Variants in NLGN1 observed in about 807,000 individuals in gnomAD.
NLGN1 encodes neuroligin-1.
In NLGN1, 12 loss-of-function variants were observed where a neutral mutation model predicts 65.5. The observed-to-expected ratio is 0.18, with a 90% CI of 0.12 to 0.30. The LOEUF (loss-of-function observed/expected upper bound fraction) is 0.30. NLGN1 is among the 10% of genes least tolerant of loss of function. The pLI is 1.00. For missense variants in NLGN1, 750 were observed against 1,007.1 expected, an observed-to-expected ratio of 0.74 and a Z score of 3.46; for synonymous variants, 350 against 359.5, an observed-to-expected ratio of 0.97 and a Z score of 0.30.
rs1483074125 is a variant in NLGN1 at position 173,961,161 on chromosome 3, G to C, written c.646+153329G>C. On this transcript the variant is annotated intron_variant, in intron 4 of 6. Transcript: ENST00000457714. ...ACTTTACTTTCCTCGGAAACATGAA[G>C]TATAGAATATAAAATATACAGTATA... Among the ~76,000 whole-genome samples, 3 of 151,992 alleles carry C rather than the reference G, an allele frequency of 2.0e-5. No homozygotes were observed. The East Asian group carries it at 5.8e-4, about 29-fold the overall frequency.
At chr3:173,477,058 A>G (rs1336802485) in intron 2 of NLGN1, among the ~76,000 whole-genome samples, 3 of 152,130 alleles carry the variant, frequency 2.0e-5, no homozygotes, top group Non-Finnish European at 4.4e-5. Flanking sequence ...ATCTTTAATG[A>G]CCTAGTGAAA....
intron 3 of NLGN1, among the ~76,000 whole-genome samples, chr3:173,780,109 C>A (rs575200049): frequency 6.6e-6 from 1 of 152,172 alleles, no homozygotes; most frequent in Non-Finnish European, 1.5e-5. Flanking sequence ...ATAATTTGTT[C>A]TTTGAAACGT....
intron 3 of NLGN1, among the ~76,000 whole-genome samples, chr3:173,755,596 C>G (rs1387002): frequency 6.6e-6 from 1 of 151,966 alleles, no homozygotes; most frequent in Non-Finnish European, 1.5e-5. Flanking sequence ...CAGAAGCAGG[C>G]ACATAAAGAC....
intron 4 of NLGN1, among the ~76,000 whole-genome samples, chr3:173,969,885 A>G (rs1480277717): frequency 6.6e-6 from 1 of 151,896 alleles, no homozygotes; most frequent in East Asian, 1.9e-4. Context: ...GAAATTGCAG[A>G]TTTCTGCATG....
chr3:173,802,719 G>A (rs761900345), intron 3 of NLGN1, among the ~76,000 whole-genome samples: 25 of 152,170 alleles, frequency 1.6e-4, no homozygotes, highest in Non-Finnish European at 3.1e-4. Context: ...GATCACTTAT[G>A]TGAAATTCCC....
intron 3 of NLGN1, among the ~76,000 whole-genome samples, chr3:173,723,008 G>C (rs1262222979): frequency 3.9e-5 from 6 of 152,182 alleles, no homozygotes; most frequent in Admixed American, 2.0e-4. Context: ...ACAGAGACCT[G>C]AATGAGGTAA....
At chr3:174,125,756 C>G (rs76062747) in intron 4 of NLGN1, among the ~76,000 whole-genome samples, 2,686 of 152,050 alleles carry the variant, frequency 0.018, 38 homozygotes, top group Non-Finnish European at 0.027. Flanking sequence ...GGCACTGAGT[C>G]CCAAAAGAAA....
chr3:173,698,195 A>G (rs958897343), intron 3 of NLGN1, among the ~76,000 whole-genome samples: 6 of 152,202 alleles, frequency 3.9e-5, no homozygotes, highest in Non-Finnish European at 7.4e-5. Context: ...TAGTTTATTT[A>G]TTCTGCAACT....
intron 4 of NLGN1, among the ~76,000 whole-genome samples, chr3:173,837,909 T>C (rs1723968063): frequency 6.6e-6 from 1 of 152,210 alleles, no homozygotes; most frequent in African/African-American, 2.4e-5. Context: ...GAATCAGTAT[T>C]ACTGATTTGA....
intron 4 of NLGN1, among the ~76,000 whole-genome samples, chr3:174,106,661 T>C (rs568572328): frequency 5.3e-4 from 81 of 151,894 alleles, no homozygotes; most frequent in Non-Finnish European, 1.1e-3. Context: ...GAGAGATATA[T>C]AGGAGGAGAT....
chr3:173,925,764 T>C (rs926017023), intron 4 of NLGN1, among the ~76,000 whole-genome samples: 2 of 152,108 alleles, frequency 1.3e-5, no homozygotes, highest in African/African-American at 4.8e-5. Context: ...TATTTAAAAG[T>C]AGACCAGAGA....
At chr3:173,860,983 T>C (rs556008738) in intron 4 of NLGN1, among the ~76,000 whole-genome samples, 1 of 152,278 alleles carries the variant, frequency 6.6e-6, no homozygotes, top group South Asian at 2.1e-4. Flanking sequence ...AACATAAATA[T>C]GGACAAACAA....
intron 4 of NLGN1, among the ~76,000 whole-genome samples, chr3:173,924,935 T>C (rs1481746909): frequency 6.6e-6 from 1 of 152,150 alleles, no homozygotes; most frequent in Non-Finnish European, 1.5e-5. Flanking sequence ...TAATCTAGAA[T>C]TCCTTAGAAA....
In NLGN1 at chr3:174,157,438, G is replaced by GT. The variant is rs1250652097; in HGVS notation, c.647-117872dup. ...CACTATTAAATATGATTGATGAAAG[G>GT]TTTTTAAAAAAATTCATCAATGGGT... On this transcript the variant is annotated intron_variant, in intron 4 of 6. Transcript: ENST00000457714. Among the ~76,000 whole-genome samples, 4 of 151,490 alleles carry GT rather than the reference G, an allele frequency of 2.6e-5. 1 individual carries two copies. The East Asian group carries it at 5.8e-4, about 22-fold the overall frequency.
At chr3:174,082,624 T>G (rs1742467543) in intron 4 of NLGN1, among the ~76,000 whole-genome samples, 1 of 151,892 alleles carries the variant, frequency 6.6e-6, no homozygotes, top group African/African-American at 2.4e-5. Context: ...CTACTAAGAT[T>G]GGAGCTTTGT....
At chr3:174,042,635 C>T (rs1398018757) in intron 4 of NLGN1, among the ~76,000 whole-genome samples, 1 of 152,150 alleles carries the variant, frequency 6.6e-6, no homozygotes, top group Non-Finnish European at 1.5e-5. Flanking sequence ...CTATCAATTA[C>T]CAACACTTAC....
rs755337219 is a variant in NLGN1, at chr3:173,682,588, C to CAAA, written c.493+77520_493+77522dup. Among the ~76,000 whole-genome samples, 54 of 41,232 alleles carry CAAA rather than the reference C, an allele frequency of 1.3e-3. 1 individual carries two copies. Among genetic ancestry groups the CAAA allele is most frequent in the Non-Finnish European group, 1.6e-3 (39 of 23,646 alleles). 27.0% of individuals were successfully genotyped at this position (41,232 alleles called of 152,430 possible). A position where few individuals can be genotyped will look rare whatever the true frequency, so the allele number is the denominator to read the frequency against. ...TGGGTGACAGAGTGAGACACTGTCT[C>CAAA]AAAAAAAAAAAAAAAAAAAAAAAAA... On this transcript the variant is annotated intron_variant, in intron 3 of 6. Coordinates refer to ENST00000457714, the Ensembl canonical transcript of NLGN1.
chr3:174,254,551 A>G (rs1355972059), intron 4 of NLGN1, among the ~76,000 whole-genome samples: 3 of 151,990 alleles, frequency 2.0e-5, no homozygotes, highest in Admixed American at 6.6e-5. Flanking sequence ...TATGCCCATA[A>G]TCATGGATAA....
At chr3:174,249,789 A>G (rs555656478) in intron 4 of NLGN1, among the ~76,000 whole-genome samples, 1 of 152,302 alleles carries the variant, frequency 6.6e-6, no homozygotes, top group South Asian at 2.1e-4. Flanking sequence ...GTTTTCTCTC[A>G]CTTTCCTTTT....
Sources: allele counts gnomAD v4.1 joint callset (sites outside exome capture counted in the v4.1 genomes callset), GRCh38; gene constraint gnomAD v4.1.1; transcripts MANE v1.5; gene names NCBI Gene and HGNC (gene_info 2026-07-23, HGNC 2026-07-21).